The following FPGS variants were observed in gnomAD, a reference collection of about 807,000 sequenced individuals.
FPGS encodes folylpolyglutamate synthase, mitochondrial.
FPGS carries 53 observed loss-of-function variants against 66.5 expected under a neutral mutation model. That is an observed-to-expected ratio of 0.80 (90% CI 0.64 to 1.00). The LOEUF (loss-of-function observed/expected upper bound fraction) is 1.00. Among genes scored for constraint, FPGS ranks in the 50% least tolerant of loss-of-function variants. The pLI is 0.00. For synonymous variants in FPGS, 348 were observed against 350.9 expected (o/e 0.99, Z 0.09); for missense variants, 702 against 807.7 (o/e 0.87, Z 1.59).
intron 11 of FPGS, among the ~76,000 whole-genome samples, chr9:127,809,119 C>T (rs949497581): frequency 1.3e-5 from 2 of 152,098 alleles, no homozygotes; most frequent in African/African-American, 4.8e-5. Context: ...GCCACTGCCA[C>T]GGGCTGTGGT....
At chr9:127,810,147 A>C in intron 13 of FPGS, 41 bp downstream of exon 13, 1 of 1,564,060 alleles carries the variant, frequency 6.4e-7, no homozygotes. Context: ...GCAGTCCTGA[A>C]GCCCTGGGTC....
rs1051567652 is a variant in FPGS, at chr9:127,802,923, C to T, written c.-2C>T. 2 of 1,383,338 alleles carry T rather than the reference C, an allele frequency of 1.4e-6. No homozygotes were observed. Among genetic ancestry groups the T allele is most frequent in the African/African-American group, 1.5e-5 (1 of 65,392 alleles). 85.7% of individuals were successfully genotyped at this position (1,383,338 alleles called of 1,614,324 possible). On this transcript the variant is annotated 5_prime_UTR_variant, in exon 1 of 15. Transcript: ENST00000373247. ...TAGAGCGCTGCCGGGGGCGCCGGGACTATGTCGCGGGCGCGGAGCCACCTG... is the reference window on the plus strand; with the variant it reads ...TAGAGCGCTGCCGGGGGCGCCGGGATTATGTCGCGGGCGCGGAGCCACCTG...
Position 127,802,931 on chromosome 9 carries a change from C to A in FPGS, c.7C>A (p.Arg3=). The change falls in exon 1 of 15, where the codon CGG becomes AGG. Residue 3 remains arginine (R), a synonymous_variant. Coordinates refer to ENST00000373247, the MANE Select transcript of FPGS (RefSeq NM_004957.6). MS[R]ARSHLRAALF... The stretch of plus-strand genomic sequence containing the variant: ...TGCCGGGGGCGCCGGGACTATGTCG[C>A]GGGCGCGGAGCCACCTGCGCGCCGC... 7.2e-7 allele frequency: 1 copy of A among 1,389,436 alleles called. No homozygotes were observed. Among genetic ancestry groups the A allele is most frequent in the Non-Finnish European group, 9.3e-7 (1 of 1,078,124 alleles). 86.1% of individuals were successfully genotyped at this position (1,389,436 alleles called of 1,614,324 possible).
At chr9:127,808,926 G>C in intron 11 of FPGS, 37 bp downstream of exon 11, 1 of 1,428,972 alleles carries the variant, frequency 7.0e-7, no homozygotes, top group Non-Finnish European at 9.6e-7. Context: ...GGACCACTGC[G>C]TGTGTCTGTG....
At chr9:127,803,290 T>A (rs1588548519) in intron 1 of FPGS, 18 of 1,229,034 alleles carry the variant, frequency 1.5e-5, no homozygotes, top group Non-Finnish European at 1.7e-5. Flanking sequence ...CCGCCCCGGG[T>A]TGGGAAGTGG....
chr9:127,812,565 G>C (rs1279974901), intron 14 of FPGS, among the ~76,000 whole-genome samples: 1 of 152,094 alleles, frequency 6.6e-6, no homozygotes, highest in East Asian at 1.9e-4. Flanking sequence ...GCAATGGCTT[G>C]ATCTCAGCTC....
chr9:127,813,112 T>C, intron 14 of FPGS, 83 bp from the exon 15 acceptor site: 2 of 1,495,062 alleles, frequency 1.3e-6, no homozygotes, highest in Non-Finnish European at 1.8e-6. Flanking sequence ...AAGCAGGTGC[T>C]CACGGTGCAC....
intron 12 of FPGS, 69 bp from the exon 13 acceptor site, chr9:127,809,962 G>T: frequency 6.7e-7 from 1 of 1,492,846 alleles, no homozygotes; most frequent in East Asian, 2.5e-5. Context: ...GGTCGTGGGC[G>T]GGGACGGGAT....
intron 1 of FPGS, among the ~76,000 whole-genome samples, chr9:127,803,591 C>A (rs761572280): frequency 6.6e-6 from 1 of 152,092 alleles, no homozygotes; most frequent in Non-Finnish European, 1.5e-5. Context: ...TGTCAAGAGC[C>A]GGTTGCCCTA....
rs1830158368 is a variant in FPGS, at chr9:127,813,180, C to T, written c.1355-15C>T. The stretch of plus-strand genomic sequence containing the variant: ...CTCTCCCCTTCGCTGATAGGCCTTT[C>T]TCTGTGCCCCACAGACCAACAGAAC... On this transcript the variant is annotated splice_polypyrimidine_tract_variant and intron_variant, in intron 14 of 14. Coordinates refer to ENST00000373247, the MANE Select transcript of FPGS (RefSeq NM_004957.6). The T allele has an allele frequency of 1.9e-6, 3 of 1,551,006 alleles. No individual in the cohort carries two copies. The highest frequency in any genetic ancestry group is 2.3e-5 in the East Asian group (1 of 44,040).
At chr9:127,809,655 T>C (rs1236251537) in intron 11 of FPGS, 29 bp from the exon 12 acceptor site, 2 of 1,568,704 alleles carry the variant, frequency 1.3e-6, no homozygotes. Context: ...GGAGAGGGCC[T>C]GGAGGACTGC....
chr9:127,805,765 G>T (rs1829783925), intron 4 of FPGS, among the ~76,000 whole-genome samples: 1 of 152,174 alleles, frequency 6.6e-6, no homozygotes. Context: ...CTCCTAGGCG[G>T]GCTGCAGATA....
At chr9:127,809,329 A>C (rs1053985206) in intron 11 of FPGS, among the ~76,000 whole-genome samples, 2 of 152,140 alleles carry the variant, frequency 1.3e-5, no homozygotes, top group Non-Finnish European at 2.9e-5. Context: ...CATGCTGTTA[A>C]GCCCCTTCAG....
chr9:127,809,514 A>G (rs1829968276), intron 11 of FPGS, among the ~76,000 whole-genome samples, 170 bp from the exon 12 acceptor site: 1 of 152,198 alleles, frequency 6.6e-6, no homozygotes, highest in South Asian at 2.1e-4. Flanking sequence ...GAGACAGCCG[A>G]AAAGCCCAAG....
rs1019926465 is a variant in FPGS, at chr9:127,814,075, C to T, written c.*471C>T. On this transcript the variant is annotated 3_prime_UTR_variant, in exon 15 of 15. Transcript: ENST00000373247. ...TTTTTTAAAGAAATGGCAAAGCCTT[C>T]GACTGACCCTTGACCCCCTGCTCCC... The T allele has an allele frequency of 4.0e-5, 40 of 988,448 alleles. No homozygotes were observed. Among genetic ancestry groups the T allele is most frequent in the African/African-American group, 5.2e-5 (3 of 57,348 alleles). 61.2% of individuals were successfully genotyped at this position (988,448 alleles called of 1,614,324 possible).
intron 14 of FPGS, among the ~76,000 whole-genome samples, chr9:127,811,480 C>CAAA (rs10671024): frequency 1.0e-3 from 147 of 144,122 alleles, no homozygotes; most frequent in South Asian, 6.8e-3. Context: ...GAGACTGTCT[C>CAAA]AAAAAAAAAA....
rs1212158512 is a variant in FPGS, at chr9:127,807,328, G to A, written c.579+42G>A. 6.2e-7 allele frequency: 1 copy of A among 1,613,400 alleles called. No individual in the cohort carries two copies. The highest frequency in any genetic ancestry group is 8.5e-7 in the Non-Finnish European group (1 of 1,179,430). ...TAGAACCCTGCATCTGAGGCCTTGG[G>A]AACGGGAACCTCAGCAGGCCTGGGG... On this transcript the variant is annotated intron_variant, in intron 6 of 14. Transcript: ENST00000373247. The surrounding 1 kb of genome is among the most constrained non-coding windows in gnomAD (Gnocchi z 5.8).
chr9:127,811,507 A>C (rs138413517), intron 14 of FPGS, among the ~76,000 whole-genome samples: 128 of 152,134 alleles, frequency 8.4e-4, no homozygotes, highest in African/African-American at 2.8e-3. Flanking sequence ...AATTTTTGAG[A>C]CAGAGTCTCA....
intron 1 of FPGS, among the ~76,000 whole-genome samples, chr9:127,803,679 A>G (rs1829696932): frequency 6.6e-6 from 1 of 152,034 alleles, no homozygotes; most frequent in Non-Finnish European, 1.5e-5. Context: ...TGAGGTCCTG[A>G]GGGTGGGAGG....
Sources: gnomAD v4.1 joint callset for allele counts (sites outside exome capture counted in the v4.1 genomes callset) on GRCh38, gnomAD v4.1.1 for gene constraint, Gnocchi (gnomAD v3.1) non-coding constraint, MANE v1.5 for transcripts, NCBI Gene and HGNC (gene_info 2026-07-23, HGNC 2026-07-21) for gene names.